The following PPP4R3B variants were observed in gnomAD, a reference collection of about 807,000 sequenced individuals.
The protein encoded by PPP4R3B is protein phosphatase 4 regulatory subunit 3B.
A neutral mutation model predicts 95.4 loss-of-function variants in PPP4R3B; 52 were observed. The observed-to-expected ratio is 0.54, with a 90% CI of 0.44 to 0.69. PPP4R3B has a LOEUF of 0.69. Ranked by LOEUF, PPP4R3B falls within the 30% of genes least tolerant of loss-of-function variation. The probability of loss-of-function intolerance (pLI) is 0.00; values close to 1 mark genes in which losing one functional copy is unlikely to be tolerated. For missense variants in PPP4R3B, 1,003 were observed against 1,005.9 expected (o/e 1.00, Z 0.04); for synonymous variants, 407 against 343.9 (o/e 1.18, Z -2.03).
intron 10 of PPP4R3B, among the ~76,000 whole-genome samples, chr2:55,578,042 C>CT (rs947709556): frequency 6.1e-4 from 93 of 152,156 alleles, no homozygotes; most frequent in African/African-American, 2.2e-3. Flanking sequence ...AATAAGAACT[C>CT]TATTTCAATA....
intron 12 of PPP4R3B, among the ~76,000 whole-genome samples, chr2:55,573,202 G>A (rs1363686128): frequency 6.6e-6 from 1 of 152,082 alleles, no homozygotes; most frequent in Non-Finnish European, 1.5e-5. Flanking sequence ...TTTGGAGGGA[G>A]GATGTTTCTT....
rs556147557 is a variant in PPP4R3B at position 55,614,926 on chromosome 2, A to G, written c.198+525T>C. On this transcript the variant is annotated intron_variant, in intron 2 of 16. Coordinates refer to ENST00000616407, the MANE Select transcript of PPP4R3B (RefSeq NM_001122964.3). Reference sequence around the variant, plus strand: ...CACATTTTCTTTCCCAAATAAGACAATATTAACAGAAGATGTTACATACTT... The same window carrying G: ...CACATTTTCTTTCCCAAATAAGACAGTATTAACAGAAGATGTTACATACTT... 2.6e-5 allele frequency: 4 copies of G among 152,362 alleles called. No homozygotes were observed. The East Asian group carries it at 7.7e-4, about 29-fold the overall frequency. The allele number at this position is 152,362 out of a possible 1,614,324, so 9.4% of individuals were successfully genotyped here. A position where few individuals can be genotyped will look rare whatever the true frequency, so the allele number is the denominator to read the frequency against.
intron 4 of PPP4R3B, among the ~76,000 whole-genome samples, chr2:55,593,689 G>A (rs996423341): frequency 1.3e-5 from 2 of 152,118 alleles, no homozygotes; most frequent in African/African-American, 4.8e-5. Flanking sequence ...AGGATTGCTT[G>A]AGGCCAGGTA....
intron 16 of PPP4R3B, among the ~76,000 whole-genome samples, chr2:55,557,454 C>G (rs1337382068): frequency 6.6e-6 from 1 of 152,196 alleles, no homozygotes; most frequent in African/African-American, 2.4e-5. Context: ...TGGCCTCCCA[C>G]AGTGCTAGGA....
intron 6 of PPP4R3B, 113 bp downstream of exon 6, chr2:55,586,500 CAATTA>C (rs1559004435): frequency 7.1e-6 from 4 of 562,262 alleles, no homozygotes. Context: ...TCTTGTAATT[CAATTA>C]AGATAGCTAA....
chr2:55,564,572 T>C, intron 14 of PPP4R3B, 75 bp from the exon 15 acceptor site: 4 of 1,307,404 alleles, frequency 3.1e-6, no homozygotes, highest in Non-Finnish European at 4.1e-6. Context: ...GAAAAATATG[T>C]ATAACCAAGA....
At chr2:55,597,224 T>C (rs1691911218) in intron 4 of PPP4R3B, among the ~76,000 whole-genome samples, 1 of 151,938 alleles carries the variant, frequency 6.6e-6, no homozygotes, top group African/African-American at 2.4e-5. Context: ...CAGTGACTCA[T>C]GCCTGTAATC....
chr2:55,558,893 G>A lies in PPP4R3B; in HGVS notation c.2336C>T (p.Ser779Phe). The A allele has an allele frequency of 6.2e-7, 1 of 1,614,152 alleles. No individual in the cohort carries two copies. Among genetic ancestry groups the A allele is most frequent in the Non-Finnish European group, 8.5e-7 (1 of 1,179,996 alleles). ...GTTTGTTCCATTAGCAGCACTGGCA[G>A]AGTGGGAGAAAGTAAATTTGAAGCC... is the stretch of plus-strand genomic sequence containing the variant. ...PGGFKFTFSHSASAANGTNSK... is the reference protein window; with the variant it reads ...PGGFKFTFSHFASAANGTNSK... The change falls in exon 16 of 17, where the codon TCT becomes TTT. Residue 779 changes from serine (S) to phenylalanine (F), a missense_variant. Physicochemically the swap from Ser to Phe is radical, Grantham distance 155. Transcript: ENST00000616407.
intron 7 of PPP4R3B, among the ~76,000 whole-genome samples, chr2:55,582,620 G>A (rs751025984): frequency 6.6e-6 from 1 of 152,090 alleles, no homozygotes; most frequent in Non-Finnish European, 1.5e-5. Flanking sequence ...AGTGGTAATC[G>A]TGACAAAATT....
chr2:55,581,537 A>T (rs369345016), intron 8 of PPP4R3B, 30 bp downstream of exon 8: 3 of 1,599,118 alleles, frequency 1.9e-6, no homozygotes, highest in Non-Finnish European at 2.6e-6. Context: ...GACTAGGCCA[A>T]AACATTTTTA....
chr2:55,580,875 G>T (rs1321784617), intron 8 of PPP4R3B, among the ~76,000 whole-genome samples: 1 of 152,104 alleles, frequency 6.6e-6, no homozygotes, highest in Non-Finnish European at 1.5e-5. Context: ...CTTTTAAAAT[G>T]TCTTAGGTAA....
At chr2:55,551,117 C>G (rs140231370) in intron 16 of PPP4R3B, among the ~76,000 whole-genome samples, 2 of 151,974 alleles carry the variant, frequency 1.3e-5, no homozygotes, top group African/African-American at 2.4e-5. Context: ...TTTGGGAGAT[C>G]GAGGCGGATG....
At chr2:55,554,800 T>C (rs1390807153) in intron 16 of PPP4R3B, among the ~76,000 whole-genome samples, 1 of 152,254 alleles carries the variant, frequency 6.6e-6, no homozygotes, top group Admixed American at 6.5e-5. Flanking sequence ...TTGTGTCATA[T>C]CTAAGAAATC....
At chr2:55,615,758 A>T (rs1332430687) in intron 1 of PPP4R3B, among the ~76,000 whole-genome samples, 1 of 147,630 alleles carries the variant, frequency 6.8e-6, no homozygotes, top group Non-Finnish European at 1.5e-5. Flanking sequence ...AGGGTGGGGC[A>T]GGAGAATCGC....
intron 4 of PPP4R3B, chr2:55,591,643 T>G (rs1691040714): frequency 1.0e-6 from 1 of 984,956 alleles, no homozygotes; most frequent in African/African-American, 1.7e-5. Context: ...AAATGCAATT[T>G]CCCACTTGAA....
intron 10 of PPP4R3B, among the ~76,000 whole-genome samples, chr2:55,577,849 A>G (rs1383240635): frequency 3.3e-5 from 5 of 152,244 alleles, no homozygotes; most frequent in African/African-American, 7.2e-5. Context: ...GCCATTATAA[A>G]TAAGTTCCAA....
At chr2:55,613,721 C>A (rs1694512677) in intron 2 of PPP4R3B, among the ~76,000 whole-genome samples, 2 of 151,570 alleles carry the variant, frequency 1.3e-5, no homozygotes, top group South Asian at 4.1e-4. Flanking sequence ...ATTATTAAAC[C>A]TAAATTTGTA....
intron 4 of PPP4R3B, among the ~76,000 whole-genome samples, chr2:55,595,738 G>GGA (rs1691680322): frequency 7.7e-6 from 1 of 130,500 alleles, no homozygotes; most frequent in East Asian, 2.3e-4. Context: ...AAAAGTACAT[G>GGA]AAAAAAAAAA....
intron 12 of PPP4R3B, among the ~76,000 whole-genome samples, chr2:55,570,143 G>A (rs1045521530): frequency 3.3e-5 from 5 of 152,118 alleles, no homozygotes; most frequent in African/African-American, 9.7e-5. Flanking sequence ...CCAGCTACTC[G>A]GGAGGCTGCG....
Sources: gnomAD v4.1 joint callset for allele counts (sites outside exome capture counted in the v4.1 genomes callset) on GRCh38, gnomAD v4.1.1 for gene constraint, MANE v1.5 for transcripts, NCBI Gene and HGNC (gene_info 2026-07-23, HGNC 2026-07-21) for gene names.